Variants in UGT1A7 observed in about 807,000 individuals in gnomAD.
UGT1A7 encodes the protein UDP glucuronosyltransferase family 1 member A7, also known as UDP-glucuronosyltransferase 1A7.
UGT1A7 carries 33 observed loss-of-function variants against 45.6 expected under a neutral mutation model. The observed-to-expected ratio is 0.72, with a 90% confidence interval of 0.55 to 0.97. The LOEUF (loss-of-function observed/expected upper bound fraction) is 0.97. Among genes scored for constraint, UGT1A7 ranks in the 50% least tolerant of loss-of-function variants. UGT1A7 has a pLI of 0.00. For missense variants in UGT1A7, 684 were observed against 666.2 expected (o/e 1.03, Z -0.29); for synonymous variants, 274 against 250.6 (o/e 1.09, Z -0.88).
chr2:233,716,641 A>C (rs1322412642), intron 1 of UGT1A7, among the ~76,000 whole-genome samples: 1 of 152,130 alleles, frequency 6.6e-6, no homozygotes, highest in Non-Finnish European at 1.5e-5. Context: ...TATCGTTTGT[A>C]CTTTTTGTAC....
chr2:233,724,180 C>A (rs1179896471), intron 1 of UGT1A7, among the ~76,000 whole-genome samples: 6 of 128,866 alleles, frequency 4.7e-5, no homozygotes, highest in Non-Finnish European at 8.1e-5. Context: ...CCATCTCCCT[C>A]CCGGACGGGG....
chr2:233,772,537 C>T lies in UGT1A7; in HGVS notation c.1571C>T (p.Ala524Val). 1 of 1,614,090 alleles carries T rather than the reference C, an allele frequency of 6.2e-7. No individual in the cohort carries two copies. Among genetic ancestry groups the T allele is most frequent in the South Asian group, 1.1e-5 (1 of 91,078 alleles). ...GGGAAAAAAGGGCGAGTTAAGAAAG[C>T]CCACAAATCCAAGACCCATTGAGAA... ...CLGKKGRVKK[A>V]HKSKTH Residue 524 changes from alanine to valine, a missense_variant, in exon 5 of 5, where the codon GCC becomes GTC. Ala to Val is a moderately conservative substitution (Grantham distance 64, BLOSUM62 0). Transcript: ENST00000373426.
At chr2:233,701,960 C>G (rs542738545) in intron 1 of UGT1A7, among the ~76,000 whole-genome samples, 1 of 151,922 alleles carries the variant, frequency 6.6e-6, no homozygotes, top group Non-Finnish European at 1.5e-5. Flanking sequence ...CAAACACATT[C>G]AAAAGCTAGT....
chr2:233,696,178 A>G (rs2075330295), intron 1 of UGT1A7, among the ~76,000 whole-genome samples: 1 of 152,242 alleles, frequency 6.6e-6, no homozygotes. Flanking sequence ...ATATATATTG[A>G]AGAGCTATCT....
chr2:233,696,858 T>C (rs1432806664), intron 1 of UGT1A7, among the ~76,000 whole-genome samples: 1 of 152,170 alleles, frequency 6.6e-6, no homozygotes, highest in Admixed American at 6.5e-5. Flanking sequence ...TTGTTGAATG[T>C]TTTTTCAGCA....
intron 1 of UGT1A7, chr2:233,760,195 C>T (rs2125980169): frequency 6.4e-7 from 1 of 1,574,430 alleles, no homozygotes; most frequent in Admixed American, 1.7e-5. Context: ...TCACGTGACA[C>T]AGTCAAACAT....
chr2:233,745,544 C>T (rs1418147485), intron 1 of UGT1A7, among the ~76,000 whole-genome samples: 1 of 151,628 alleles, frequency 6.6e-6, no homozygotes, highest in Non-Finnish European at 1.5e-5. Context: ...GTCACCAGAA[C>T]AAACTTCTAA....
chr2:233,685,430 G>A (rs1665210350), intron 1 of UGT1A7, among the ~76,000 whole-genome samples: 1 of 152,068 alleles, frequency 6.6e-6, no homozygotes, highest in Non-Finnish European at 1.5e-5. Context: ...CAGTTATAAA[G>A]AATTCGAGCT....
Position 233,682,194 on chromosome 2 carries a change from A to T in UGT1A7, c.257A>T (p.Gln86Leu). ...TCAACCTCATACACTCTGGAGGATC[A>T]GGACCGGGAGTTCATGGTTTTTGCC... ...TYSTSYTLED[Q>L]DREFMVFADA... The change falls in exon 1 of 5, where the codon CAG becomes CTG. Residue 86 changes from glutamine to leucine, a missense_variant. Physicochemically the swap from Gln to Leu is moderately radical, Grantham distance 113. Transcript: ENST00000373426. 2 of 1,614,248 alleles carry T rather than the reference A, an allele frequency of 1.2e-6. No individual in the cohort carries two copies. The highest frequency in any genetic ancestry group is 1.3e-5 in the African/African-American group (1 of 75,070).
intron 1 of UGT1A7, among the ~76,000 whole-genome samples, chr2:233,756,797 C>T (rs954051942): frequency 2.0e-5 from 3 of 151,992 alleles, no homozygotes. Context: ...GGGCAATACA[C>T]TAGTAAAGGT....
intron 2 of UGT1A7, among the ~76,000 whole-genome samples, chr2:233,767,483 G>A (rs1215340946): frequency 1.3e-5 from 2 of 152,158 alleles, no homozygotes; most frequent in Admixed American, 6.5e-5. Context: ...TTAAATAGAA[G>A]TATTTCTCCA....
chr2:233,744,436 C>T (rs183534266), intron 1 of UGT1A7, among the ~76,000 whole-genome samples: 4 of 151,808 alleles, frequency 2.6e-5, no homozygotes, highest in African/African-American at 2.4e-5. Flanking sequence ...ATCTATCATA[C>T]GTACTGCATT....
intron 1 of UGT1A7, chr2:233,730,114 C>T: frequency 1.3e-6 from 2 of 1,562,004 alleles, no homozygotes; most frequent in South Asian, 1.2e-5. Flanking sequence ...TCTGCTTCTC[C>T]TTGTCATAAT....
rs61740163 is a variant in UGT1A7 at position 233,729,805 on chromosome 2, T to G, written c.856-37229T>G. ...GGCCCTGTCCTACATTTGCCATGCT[T>G]TTTCTGCTCCTTATGCAAGCCTTGC... On this transcript the variant is annotated intron_variant, in intron 1 of 4. Coordinates refer to ENST00000373426, the MANE Select transcript of UGT1A7 (RefSeq NM_019077.3). 2.8e-4 allele frequency: 444 copies of G among 1,610,698 alleles called. 1 individual carries two copies. The African/African-American group carries it at 4.6e-3, about 17-fold the overall frequency.
At chr2:233,713,376 G>T (rs1400775742) in intron 1 of UGT1A7, 4 of 1,614,068 alleles carry the variant, frequency 2.5e-6, no homozygotes, top group Non-Finnish European at 3.4e-6. Flanking sequence ...TAGGTCTTGT[G>T]TGGAGCTACT....
chr2:233,768,725 G>T (rs933444797), intron 4 of UGT1A7, among the ~76,000 whole-genome samples: 1 of 151,378 alleles, frequency 6.6e-6, no homozygotes, highest in African/African-American at 2.4e-5. Context: ...TGGGATTACA[G>T]GTGTCCACCA....
chr2:233,720,831 G>A (rs1315551380), intron 1 of UGT1A7, among the ~76,000 whole-genome samples: 2 of 150,572 alleles, frequency 1.3e-5, no homozygotes, highest in African/African-American at 2.4e-5. Context: ...TCAGTCTCCT[G>A]AGTAACTGGG....
intron 1 of UGT1A7, among the ~76,000 whole-genome samples, chr2:233,757,340 GC>G (rs1259479827): frequency 3.3e-5 from 5 of 151,162 alleles, no homozygotes; most frequent in Non-Finnish European, 7.4e-5. Flanking sequence ...GACCATGACA[GC>G]TGGGTCTGAG....
At chr2:233,755,161 C>CG in intron 1 of UGT1A7, 1 of 1,292,236 alleles carries the variant, frequency 7.7e-7, no homozygotes, top group Non-Finnish European at 1.0e-6. Context: ...TCCCTGTCCT[C>CG]GGGGTTTTTG....
Sources: allele counts gnomAD v4.1 joint callset (sites outside exome capture counted in the v4.1 genomes callset), GRCh38; gene constraint gnomAD v4.1.1; transcripts MANE v1.5; gene names NCBI Gene and HGNC (gene_info 2026-07-23, HGNC 2026-07-21).